The following PSG11 variants were observed in gnomAD, a reference collection of about 807,000 sequenced individuals.
PSG11 encodes pregnancy specific beta-1-glycoprotein 11, also known as pregnancy-specific beta-1-glycoprotein 11.
In PSG11, 42 loss-of-function variants were observed where a neutral mutation model predicts 36.0. The observed-to-expected ratio is 1.17, with a 90% CI of 0.91 to 1.51. PSG11 has a LOEUF of 1.51. Among genes scored for constraint, PSG11 ranks in the 40% most tolerant of loss-of-function variants. The probability of loss-of-function intolerance (pLI) is 0.00; values close to 1 mark genes in which losing one functional copy is unlikely to be tolerated. For synonymous variants in PSG11, 206 were observed against 153.5 expected (o/e 1.34, Z -2.53); for missense variants, 558 against 403.5 (o/e 1.38, Z -3.28).
At chr19:43,015,442 A>T in intron 3 of PSG11, 72 bp from the exon 4 acceptor site, 1 of 1,513,646 alleles carries the variant, frequency 6.6e-7, no homozygotes, top group Non-Finnish European at 9.0e-7. Flanking sequence ...TCTTAAAGGG[A>T]CACAGTGACC....
At position 43,014,804 on chromosome 19, in the gene PSG11, A is replaced by G. The variant is rs1455738668; in HGVS notation, c.964+312T>C. ...AGAAGGGGATGAGTTGGTGACAGTG[A>G]GAAGCAACTCGATGTTCAGCACTCT... On this transcript the variant is annotated intron_variant, in intron 4 of 5. Coordinates refer to ENST00000320078, the MANE Select transcript of PSG11 (RefSeq NM_002785.3). The G allele has an allele frequency of 3.2e-6, 4 of 1,245,862 alleles. No homozygotes were observed. The Admixed American group carries it at 1.3e-4, about 40-fold the overall frequency. The allele number at this position is 1,245,862 out of a possible 1,614,324, so 77.2% of individuals were successfully genotyped here.
chr19:43,023,277 A>T (rs1258669258), intron 2 of PSG11, among the ~76,000 whole-genome samples: 3 of 150,468 alleles, frequency 2.0e-5, no homozygotes, highest in African/African-American at 7.4e-5. Flanking sequence ...GTCTCTAAAG[A>T]GGTTTTGGAT....
In PSG11 at chr19:43,014,312, C is replaced by T. The variant is rs879868988; in HGVS notation, c.964+804G>A. On this transcript the variant is annotated intron_variant, in intron 4 of 5. Transcript: ENST00000320078. The stretch of plus-strand genomic sequence containing the variant: ...TAATTACACACTTTTTGGCACTGCC[C>T]CTTTCCTGCCATGCAGAGCCCCAGG... 14 of 881,800 alleles carry T rather than the reference C, an allele frequency of 1.6e-5. No homozygotes were observed. The Admixed American group carries it at 4.4e-4, about 28-fold the overall frequency. 54.6% of individuals were successfully genotyped at this position (881,800 alleles called of 1,614,324 possible). A position where few individuals can be genotyped will look rare whatever the true frequency, so the allele number is the denominator to read the frequency against.
rs191466923 is a variant in PSG11, at chr19:43,015,441, G to A, written c.710-71C>T. 7.6e-4 allele frequency: 1,150 copies of A among 1,514,516 alleles called. 58 individuals are homozygous for A. The African/African-American group carries it at 0.014, about 19-fold the overall frequency. 93.8% of individuals were successfully genotyped at this position (1,514,516 alleles called of 1,614,324 possible). A position where few individuals can be genotyped will look rare whatever the true frequency, so the allele number is the denominator to read the frequency against. On this transcript the variant is annotated intron_variant, in intron 3 of 5. Transcript: ENST00000320078. ...GGGGAAGCTCCTTGTCTCTTAAAGG[G>A]ACACAGTGACCCTCTGAGCCAAGAC... is the stretch of plus-strand genomic sequence containing the variant.
chr19:43,010,600 A>T, intron 4 of PSG11: 2 of 358,404 alleles, frequency 5.6e-6, no homozygotes, highest in Non-Finnish European at 1.0e-5. Context: ...CCTTGCAAAA[A>T]CTCTTAGAAT....
Position 43,026,381 on chromosome 19 carries a change from C to T in PSG11, c.-9G>A, listed in dbSNP as rs915020807. 3.7e-6 allele frequency: 6 copies of T among 1,608,702 alleles called. No homozygotes were observed. The Admixed American group carries it at 1.0e-4, about 27-fold the overall frequency. On this transcript the variant is annotated 5_prime_UTR_variant, in exon 1 of 6. Coordinates refer to ENST00000320078, the MANE Select transcript of PSG11 (RefSeq NM_002785.3). ...GCTGAGAGGGGCCCCATGATCTCTG[C>T]TGCGTGCATGTTCTCCTCTGTGGAG...
intron 4 of PSG11, 53 bp from the exon 5 acceptor site, chr19:43,010,094 G>C: frequency 6.4e-7 from 1 of 1,574,312 alleles, no homozygotes; most frequent in Non-Finnish European, 8.7e-7. Flanking sequence ...ATTTTACATG[G>C]GGGAGCGTCA....
In PSG11 at chr19:43,009,942, G is replaced by T; in HGVS notation, c.*40+16C>A. The T allele has an allele frequency of 6.5e-7, 1 of 1,540,236 alleles. No individual in the cohort carries two copies. Among genetic ancestry groups the T allele is most frequent in the Admixed American group, 1.7e-5 (1 of 59,642 alleles). ...CAGCCCTGCAGGAACCAGGATAAGA[G>T]AAAAGGTCATCATACCTGCCAGTCT... On this transcript the variant is annotated intron_variant, in intron 5 of 5. Transcript: ENST00000320078.
Position 43,026,451 on chromosome 19 carries a change from T to A in PSG11, c.-79A>T. 1 of 1,562,620 alleles carries A rather than the reference T, an allele frequency of 6.4e-7. No individual in the cohort carries two copies. Among genetic ancestry groups the A allele is most frequent in the Non-Finnish European group, 8.7e-7 (1 of 1,146,722 alleles). On this transcript the variant is annotated 5_prime_UTR_variant, in exon 1 of 6. Coordinates refer to ENST00000320078, the MANE Select transcript of PSG11 (RefSeq NM_002785.3). ...GCTTCCAGAGCACGGCTGTCAGCTG[T>A]GCTGTCCTTCCTCCTTCTGCGCTGA...
intron 2 of PSG11, chr19:43,019,394 A>G (rs1163691912): frequency 6.1e-6 from 2 of 326,910 alleles, no homozygotes; most frequent in African/African-American, 2.1e-5. Context: ...GACTTGGAGC[A>G]TGCAGTGCTG....
At chr19:43,016,901 G>A (rs367888851) in intron 3 of PSG11, among the ~76,000 whole-genome samples, 9 of 151,552 alleles carry the variant, frequency 5.9e-5, no homozygotes, top group African/African-American at 1.9e-4. Flanking sequence ...GGAATGAACT[G>A]CTGGAAATCT....
At position 43,014,420 on chromosome 19, in the gene PSG11, C is replaced by A; in HGVS notation, c.964+696G>T. ...CACGTGCTGTGCCCACAGCCTCATA[C>A]AGCCAGTGACTTCAGAGCCAGGACG... On this transcript the variant is annotated intron_variant, in intron 4 of 5. Transcript: ENST00000320078. 28 of 951,270 alleles carry A rather than the reference C, an allele frequency of 2.9e-5. 1 individual carries two copies. Among genetic ancestry groups the A allele is most frequent in the Non-Finnish European group, 3.5e-5 (28 of 799,540 alleles). The allele number at this position is 951,270 out of a possible 1,614,324, so 58.9% of individuals were successfully genotyped here. A position where few individuals can be genotyped will look rare whatever the true frequency, so the allele number is the denominator to read the frequency against.
intron 2 of PSG11, among the ~76,000 whole-genome samples, chr19:43,022,038 G>T (rs759008481): frequency 6.6e-6 from 1 of 151,466 alleles, no homozygotes; most frequent in Non-Finnish European, 1.5e-5. Flanking sequence ...TTTGAAGCAA[G>T]AATGATAATA....
Position 43,015,817 on chromosome 19 carries a change from C to T in PSG11, c.710-447G>A, listed in dbSNP as rs113499269. 1,761 of 1,610,184 alleles carry T rather than the reference C, an allele frequency of 1.1e-3. 62 individuals carry two copies. The African/African-American group carries it at 0.021, about 19-fold the overall frequency. The stretch of plus-strand genomic sequence containing the variant: ...ACTGCGGATGCCACCATATCGGTCC[C>T]GTATTTCACATTGATAGGGTCCTGT... On this transcript the variant is annotated intron_variant, in intron 3 of 5. Transcript: ENST00000320078.
intron 3 of PSG11, chr19:43,016,140 C>T (rs1278777875): frequency 2.0e-6 from 3 of 1,500,548 alleles, no homozygotes; most frequent in Admixed American, 2.1e-5. Context: ...CACCTCTCAG[C>T]CCACCCGAGT....
chr19:43,017,638 T>C (rs1966999027), intron 3 of PSG11: 1 of 151,398 alleles, frequency 6.6e-6, no homozygotes, highest in South Asian at 2.1e-4. Flanking sequence ...TTTCTAATTC[T>C]GCAAAAAATG....
At chr19:43,018,583 C>G (rs1223558707) in intron 3 of PSG11, 187 bp downstream of exon 3, 8 of 1,389,258 alleles carry the variant, frequency 5.8e-6, no homozygotes, top group Non-Finnish European at 7.9e-6. Context: ...GGAGCAGCCT[C>G]TTTTCTCCCA....
chr19:43,008,107 C>T, intron 5 of PSG11, 65 bp from the exon 6 acceptor site: 1 of 327,846 alleles, frequency 3.1e-6, no homozygotes. Context: ...ATCAAAGCAA[C>T]TTTCTGGGAA....
At chr19:43,026,187 C>T in intron 1 of PSG11, 122 bp downstream of exon 1, 2 of 1,443,400 alleles carry the variant, frequency 1.4e-6, no homozygotes, top group South Asian at 1.2e-5. Flanking sequence ...GTGATCCACC[C>T]ACCTCAGCCT....
Sources: gnomAD v4.1 joint callset for allele counts (sites outside exome capture counted in the v4.1 genomes callset) on GRCh38, gnomAD v4.1.1 for gene constraint, MANE v1.5 for transcripts, NCBI Gene and HGNC (gene_info 2026-07-23, HGNC 2026-07-21) for gene names.